Variants in NFIX observed in about 807,000 individuals in gnomAD.
NFIX encodes the protein nuclear factor I X, also known as nuclear factor 1 X-type.
In NFIX, 2 loss-of-function variants were observed where a neutral mutation model predicts 53.3. The observed-to-expected ratio is 0.04, with a 90% CI of 0.02 to 0.12. NFIX has a LOEUF of 0.12. Among genes scored for constraint, NFIX ranks in the 10% least tolerant of loss-of-function variants. NFIX has a pLI of 1.00. For missense variants in NFIX, 310 were observed against 674.5 expected (o/e 0.46, Z 5.99); for synonymous variants, 244 against 289.0 (o/e 0.84, Z 1.58).
intron 2 of NFIX, among the ~76,000 whole-genome samples, chr19:13,058,748 G>T (rs978099699): frequency 6.6e-6 from 1 of 152,044 alleles, no homozygotes; most frequent in Non-Finnish European, 1.5e-5. Context: ...GATACTGCAG[G>T]GAGAGAAGTA....
chr19:13,067,543 T>G lies in NFIX; in HGVS notation c.560-5504T>G, dbSNP rs1252718022. 6.6e-6 allele frequency among the ~76,000 whole-genome samples: 1 copy of G among 151,850 alleles called. No individual in the cohort carries two copies. Among genetic ancestry groups the G allele is most frequent in the Non-Finnish European group, 1.5e-5 (1 of 67,996 alleles). On this transcript the variant is annotated intron_variant, in intron 2 of 10. Transcript: ENST00000592199. This position sits in a 1 kb window ranked among gnomAD's most constrained non-coding sequence, Gnocchi z 4.2. ...GAGTCTGAGCATATGAGTGTATGCATCCAAGTGTATGCACATACCTGGGTA... is the reference window on the plus strand; with the variant it reads ...GAGTCTGAGCATATGAGTGTATGCAGCCAAGTGTATGCACATACCTGGGTA...
intron 2 of NFIX, among the ~76,000 whole-genome samples, chr19:13,063,247 C>T (rs2016200770): frequency 6.6e-6 from 1 of 152,214 alleles, no homozygotes; most frequent in Non-Finnish European, 1.5e-5. Context: ...TTCCACCTTC[C>T]TTTTCTTAGC....
chr19:13,044,793 G>A (rs533503808), intron 2 of NFIX, among the ~76,000 whole-genome samples: 80 of 152,292 alleles, frequency 5.3e-4, no homozygotes, highest in Admixed American at 3.2e-3. Flanking sequence ...AGGGCGCTGC[G>A]TCTCCACCGT....
At chr19:13,024,468 C>T in intron 1 of NFIX, 1 of 1,468,422 alleles carries the variant, frequency 6.8e-7, no homozygotes. Context: ...TCCTCACTCG[C>T]TTGCTCGTGG....
chr19:13,041,742 C>T (rs1223587966), intron 2 of NFIX, among the ~76,000 whole-genome samples: 2 of 149,000 alleles, frequency 1.3e-5, no homozygotes, highest in Admixed American at 1.3e-4. Context: ...TGCAGTCAGC[C>T]GAGATCGTGC....
chr19:13,071,642 T>C (rs2016783374), intron 2 of NFIX, among the ~76,000 whole-genome samples: 1 of 152,258 alleles, frequency 6.6e-6, no homozygotes, highest in Admixed American at 6.5e-5. Context: ...TACAATAGTA[T>C]TTATTTTTTG....
At chr19:13,031,877 G>C (rs944244831) in intron 2 of NFIX, among the ~76,000 whole-genome samples, 8 of 152,162 alleles carry the variant, frequency 5.3e-5, no homozygotes, top group African/African-American at 1.9e-4. Context: ...TAGCAGCTGG[G>C]CAGAGAGGGG....
At chr19:13,039,726 A>G (rs957207658) in intron 2 of NFIX, among the ~76,000 whole-genome samples, 6 of 152,188 alleles carry the variant, frequency 3.9e-5, no homozygotes, top group African/African-American at 1.2e-4. Context: ...GATACTTAGC[A>G]TGCAGTTTTT....
chr19:12,998,185 CTT>C lies in NFIX; in HGVS notation c.27+2323_27+2324del, dbSNP rs2011536224. On this transcript the variant is annotated intron_variant, in intron 1 of 10. Coordinates refer to ENST00000592199, the MANE Select transcript of NFIX (RefSeq NM_001365902.3). The surrounding 1 kb of genome is among the most constrained non-coding windows in gnomAD (Gnocchi z 4.4). Reference sequence around the variant, plus strand: ...GTGTATTCTGCCCTTTTCCATCTCTCTTTCTCCATCTCTGTCCTTTTGTATGT... The same window carrying C: ...GTGTATTCTGCCCTTTTCCATCTCTCTCTCCATCTCTGTCCTTTTGTATGT... 6.6e-6 allele frequency among the ~76,000 whole-genome samples: 1 copy of C among 152,156 alleles called. No homozygotes were observed. Among genetic ancestry groups the C allele is most frequent in the Non-Finnish European group, 1.5e-5 (1 of 68,038 alleles).
intron 2 of NFIX, among the ~76,000 whole-genome samples, chr19:13,030,216 T>C (rs1304074269): frequency 6.6e-6 from 1 of 152,240 alleles, no homozygotes; most frequent in Admixed American, 6.5e-5. Flanking sequence ...GATTATCTTT[T>C]AACCCAATGT....
intron 1 of NFIX, among the ~76,000 whole-genome samples, chr19:13,010,676 G>A (rs2012291530): frequency 6.6e-6 from 1 of 152,232 alleles, no homozygotes; most frequent in African/African-American, 2.4e-5. Context: ...GGGAGCTCCA[G>A]GTGGGTCCGT....
At chr19:13,074,187 G>A (rs1297692389) in intron 5 of NFIX, among the ~76,000 whole-genome samples, 161 bp downstream of exon 5, 1 of 152,202 alleles carries the variant, frequency 6.6e-6, no homozygotes, top group African/African-American at 2.4e-5. Context: ...TCCACCATGC[G>A]CAGTCACCCA....
Position 13,093,429 on chromosome 19 carries a change from G to T in NFIX, c.1495-1206G>T, listed in dbSNP as rs911260503. Among the ~76,000 whole-genome samples, 5 of 152,230 alleles carry T rather than the reference G, an allele frequency of 3.3e-5. No individual in the cohort carries two copies. Among genetic ancestry groups the T allele is most frequent in the African/African-American group, 4.8e-5 (2 of 41,460 alleles). Reference sequence around the variant, plus strand: ...AAAAGTTGGCAGATGAGCTGCCCTGGGCCCTCACCCTGACCCTAGGCAGGG... The same window carrying T: ...AAAAGTTGGCAGATGAGCTGCCCTGTGCCCTCACCCTGACCCTAGGCAGGG... On this transcript the variant is annotated intron_variant, in intron 10 of 10. Transcript: ENST00000592199. The surrounding 1 kb of genome is among the most constrained non-coding windows in gnomAD (Gnocchi z 4.7).
chr19:13,007,121 C>A (rs570789385), intron 1 of NFIX, among the ~76,000 whole-genome samples: 223 of 152,244 alleles, frequency 1.5e-3, no homozygotes, highest in Non-Finnish European at 2.9e-3. Context: ...TCCCTCCCTT[C>A]CTCCCCCTCT....
Position 13,003,658 on chromosome 19 carries a change from G to A in NFIX, c.27+7794G>A, listed in dbSNP as rs201054030. ...TGTCTGGAAACATTTTTTTTTTTTA[G>A]AGACAGACTGTCATCTGTAGCCCAG... is the stretch of plus-strand genomic sequence containing the variant. On this transcript the variant is annotated intron_variant, in intron 1 of 10. Coordinates refer to ENST00000592199, the MANE Select transcript of NFIX (RefSeq NM_001365902.3). 5.3e-5 allele frequency among the ~76,000 whole-genome samples: 8 copies of A among 151,344 alleles called. No homozygotes were observed. In the East Asian group the frequency reaches 1.6e-3, roughly 29 times the overall value.
chr19:13,061,779 ACT>A (rs943096686), intron 2 of NFIX, among the ~76,000 whole-genome samples: 4 of 152,130 alleles, frequency 2.6e-5, no homozygotes, highest in African/African-American at 9.7e-5. Flanking sequence ...AGTATATAAA[ACT>A]CAAAGTTAAA....
At chr19:13,069,424 C>G (rs2016632550) in intron 2 of NFIX, among the ~76,000 whole-genome samples, 1 of 152,230 alleles carries the variant, frequency 6.6e-6, no homozygotes, top group African/African-American at 2.4e-5. Context: ...CGCGTTGTGC[C>G]AGCCAACACT....
Position 13,009,085 on chromosome 19 carries a change from G to A in NFIX, c.27+13221G>A, listed in dbSNP as rs936062958. 3.3e-5 allele frequency among the ~76,000 whole-genome samples: 5 copies of A among 152,086 alleles called. No individual in the cohort carries two copies. The highest frequency in any genetic ancestry group is 2.6e-4 in the Admixed American group (4 of 15,266). On this transcript the variant is annotated intron_variant, in intron 1 of 10. Transcript: ENST00000592199. The surrounding 1 kb of genome is among the most constrained non-coding windows in gnomAD (Gnocchi z 4.7). Reference sequence around the variant, plus strand: ...CACCCCGCCACCCGCAGTCTGTCGCGCAGTGACAGCCTGTCACAAGCACCG... The same window carrying A: ...CACCCCGCCACCCGCAGTCTGTCGCACAGTGACAGCCTGTCACAAGCACCG...
At position 13,081,750 on chromosome 19, in the gene NFIX, T is replaced by C. The variant is rs1291615520; in HGVS notation, c.1149T>C (p.Tyr383=). 1.9e-6 allele frequency: 3 copies of C among 1,613,832 alleles called. No homozygotes were observed. Among genetic ancestry groups the C allele is most frequent in the Non-Finnish European group, 2.5e-6 (3 of 1,179,900 alleles). The change falls in exon 8 of 11, where the codon TAT becomes TAC. Residue 383 remains tyrosine (Y), a synonymous_variant. Transcript: ENST00000592199. This position sits in a 1 kb window ranked among gnomAD's most constrained non-coding sequence, Gnocchi z 4.7. Reference sequence around the variant, plus strand: ...CCATCATCCAGCAGTCGAGCCCGTATTTCACGCACCCGACCATCCGCTACC... The same window carrying C: ...CCATCATCCAGCAGTCGAGCCCGTACTTCACGCACCCGACCATCCGCTACC... The part of the protein sequence containing the change: ...STSIIQQSSP[Y]FTHPTIRYHH...
Sources: gnomAD v4.1 joint callset for allele counts (sites outside exome capture counted in the v4.1 genomes callset) on GRCh38, gnomAD v4.1.1 for gene constraint, Gnocchi (gnomAD v3.1) non-coding constraint, MANE v1.5 for transcripts, NCBI Gene and HGNC (gene_info 2026-07-23, HGNC 2026-07-21) for gene names.